MYRFL: variants seen among roughly 807,000 people sequenced by gnomAD.
The protein encoded by MYRFL is myelin regulatory factor like.
Under a neutral mutation model 109.4 loss-of-function variants are expected in MYRFL, and 88 were observed. The ratio of observed to expected loss-of-function variants is 0.80; its 90% CI spans 0.68 to 0.96. The LOEUF is 0.96. Among genes scored for constraint, MYRFL ranks in the 40% least tolerant of loss-of-function variants. The pLI is 0.00. For missense variants in MYRFL, 957 were observed against 954.9 expected (o/e 1.00, Z -0.03); for synonymous variants, 324 against 320.9 (o/e 1.01, Z -0.10).
At chr12:69,910,567 C>T (rs1397081218) in intron 12 of MYRFL, among the ~76,000 whole-genome samples, 1 of 151,548 alleles carries the variant, frequency 6.6e-6, no homozygotes, top group Non-Finnish European at 1.5e-5. Context: ...CAAGCCAACG[C>T]CCCATCTTTA....
At chr12:69,886,658 A>T (rs1886471055) in intron 5 of MYRFL, among the ~76,000 whole-genome samples, 162 bp from the exon 6 acceptor site, 1 of 152,044 alleles carries the variant, frequency 6.6e-6, no homozygotes. Flanking sequence ...CCTTTCACAG[A>T]TGAGAAAATG....
rs117629148 is a variant in MYRFL, at chr12:69,926,688, C to T, written c.1720C>T (p.Arg574Trp). The T allele has an allele frequency of 2.6e-4, 389 of 1,519,974 alleles. No homozygotes were observed. The highest frequency in any genetic ancestry group is 3.2e-4 in the Non-Finnish European group (363 of 1,137,482). 94.2% of individuals were successfully genotyped at this position (1,519,974 alleles called of 1,614,324 possible). Residue 574 changes from arginine to tryptophan, a missense_variant, in exon 14 of 25, where the codon CGG (arginine) becomes TGG (tryptophan). Transcript: ENST00000552032. ...GAACAGAAAGCTGGCCCGGCTAAAG[C>T]GGCTCAGTAGTTGGAAGTCATCAGC... ...IWNRKLARLK[R>W]LSSWKSSASE...
At chr12:69,927,479 G>T (rs573286317) in intron 14 of MYRFL, among the ~76,000 whole-genome samples, 1 of 152,086 alleles carries the variant, frequency 6.6e-6, no homozygotes, top group African/African-American at 2.4e-5. Flanking sequence ...GAGAAAAAGA[G>T]AAATACAATG....
chr12:69,944,428 G>A (rs1253520060), intron 19 of MYRFL, among the ~76,000 whole-genome samples: 26 of 143,724 alleles, frequency 1.8e-4, no homozygotes, highest in Non-Finnish European at 3.5e-4. Context: ...GTAAACTATC[G>A]CAAGAACAAA....
chr12:69,873,445 G>A (rs1431304398), intron 2 of MYRFL, among the ~76,000 whole-genome samples: 2 of 152,110 alleles, frequency 1.3e-5, no homozygotes, highest in Non-Finnish European at 2.9e-5. Flanking sequence ...TTCACTTAAA[G>A]GAAGTACTTT....
chr12:69,886,678 A>G (rs1674574), intron 5 of MYRFL, 142 bp from the exon 6 acceptor site: 765,802 of 981,856 alleles, frequency 0.78, 299,488 homozygotes, highest in Middle Eastern at 0.82. Context: ...GAGGTCAGCA[A>G]CACACCTCCT....
chr12:69,836,170 C>T (rs763857002), intron 1 of MYRFL, among the ~76,000 whole-genome samples: 34 of 152,180 alleles, frequency 2.2e-4, no homozygotes, highest in Non-Finnish European at 2.2e-4. Context: ...GTGCTTCTGC[C>T]GGTCAGGGGC....
chr12:69,914,655 C>T (rs56359258), intron 13 of MYRFL, among the ~76,000 whole-genome samples: 4,335 of 152,278 alleles, frequency 0.028, 186 homozygotes, highest in African/African-American at 0.095. Flanking sequence ...GGTCCATCCT[C>T]CTTCTTCCAG....
At chr12:69,851,184 A>T (rs1028958380) in intron 1 of MYRFL, among the ~76,000 whole-genome samples, 4 of 152,236 alleles carry the variant, frequency 2.6e-5, no homozygotes, top group Non-Finnish European at 4.4e-5. Context: ...AAAAGACATG[A>T]TAACCCAATG....
Position 69,891,088 on chromosome 12 carries a change from G to A in MYRFL, c.825G>A (p.Trp275Ter), listed in dbSNP as rs748214948. 1 of 1,534,808 alleles carries A rather than the reference G, an allele frequency of 6.5e-7. No individual in the cohort carries two copies. Among genetic ancestry groups the A allele is most frequent in the Non-Finnish European group, 8.7e-7 (1 of 1,146,368 alleles). Residue 275 changes from tryptophan (W) to a stop codon, truncating the protein, a stop_gained, in exon 7 of 25, where the codon TGG becomes TGA. Coordinates refer to ENST00000552032, the MANE Select transcript of MYRFL (RefSeq NM_182530.3). LOFTEE classifies it high-confidence loss of function. Reference protein sequence around the residue: ...HFQITIHIQVWGSPKFVETEM... With the variant: ...HFQITIHIQV Reference sequence around the variant, plus strand: ...AGATAACCATTCACATCCAAGTTTGGGGAAGTCCAAAATTTGTTGAAACCG... The same window carrying A: ...AGATAACCATTCACATCCAAGTTTGAGGAAGTCCAAAATTTGTTGAAACCG...
chr12:69,850,579 T>C (rs1883821786), intron 1 of MYRFL, among the ~76,000 whole-genome samples: 1 of 152,160 alleles, frequency 6.6e-6, no homozygotes, highest in Non-Finnish European at 1.5e-5. Context: ...CAGGTTTAGG[T>C]AGTAAAGACG....
rs1886492054 is a variant in MYRFL, at chr12:69,886,918, C to G, written c.655C>G (p.Pro219Ala). The change falls in exon 6 of 25, where the codon CCA (proline) becomes GCA (alanine). Residue 219 changes from proline (P) to alanine (A), a missense_variant. By Grantham distance (27) the Pro-to-Ala change is conservative. Transcript: ENST00000552032. The part of the protein sequence containing the change: ...DQCSPALKWQ[P>A]CHSVPWHSLL... ...GTGCTCTCCTGCTCTGAAGTGGCAA[C>G]CATGCCATAGTGTTCCTTGGCACAG... 1 of 1,535,862 alleles carries G rather than the reference C, an allele frequency of 6.5e-7. No individual in the cohort carries two copies. Among genetic ancestry groups the G allele is most frequent in the East Asian group, 2.4e-5 (1 of 40,906 alleles).
intron 14 of MYRFL, among the ~76,000 whole-genome samples, chr12:69,927,286 G>A (rs1955128041): frequency 6.6e-6 from 1 of 152,048 alleles, no homozygotes; most frequent in Non-Finnish European, 1.5e-5. Flanking sequence ...TGAGACATCT[G>A]TTTAGTAGCA....
chr12:69,860,557 T>A (rs539360279), intron 2 of MYRFL, among the ~76,000 whole-genome samples: 2 of 152,168 alleles, frequency 1.3e-5, no homozygotes, highest in African/African-American at 4.8e-5. Flanking sequence ...TATATTTAAA[T>A]TAATTATTGA....
chr12:69,945,715 C>T (rs983623943), intron 19 of MYRFL, among the ~76,000 whole-genome samples: 2 of 151,960 alleles, frequency 1.3e-5, no homozygotes, highest in African/African-American at 2.4e-5. Flanking sequence ...AGGCTGGGCG[C>T]GGTGGCTCAC....
At chr12:69,890,555 G>A (rs758177553) in intron 6 of MYRFL, among the ~76,000 whole-genome samples, 5 of 152,114 alleles carry the variant, frequency 3.3e-5, no homozygotes, top group South Asian at 2.1e-4. Flanking sequence ...CCAACATGGC[G>A]AAACCCTGTC....
chr12:69,899,295 T>C (rs10784803), intron 10 of MYRFL, among the ~76,000 whole-genome samples: 48,189 of 152,132 alleles, frequency 0.32, 7,929 homozygotes, highest in African/African-American at 0.36. Flanking sequence ...GCAGACTTTT[T>C]GGTTTATTTA....
At chr12:69,947,170 T>G (rs1379749564) in intron 19 of MYRFL, 1 of 152,036 alleles carries the variant, frequency 6.6e-6, no homozygotes, top group Non-Finnish European at 1.5e-5. Flanking sequence ...AATTAAAAAT[T>G]AAGGAATAAA....
chr12:69,901,094 G>T (rs1184224547), intron 10 of MYRFL, among the ~76,000 whole-genome samples: 1 of 152,170 alleles, frequency 6.6e-6, no homozygotes, highest in Non-Finnish European at 1.5e-5. Context: ...AGATTAAGTG[G>T]CTGCCCCAAG....
Sources: allele counts gnomAD v4.1 joint callset (sites outside exome capture counted in the v4.1 genomes callset), GRCh38; gene constraint gnomAD v4.1.1; transcripts MANE v1.5; gene names NCBI Gene and HGNC (gene_info 2026-07-23, HGNC 2026-07-21).